Variants in NTM observed in about 807,000 individuals in gnomAD.
NTM encodes the protein IgLON family member 2.
Under a neutral mutation model 42.1 loss-of-function variants are expected in NTM, and 13 were observed. The ratio of observed to expected loss-of-function variants is 0.31; its 90% CI spans 0.20 to 0.49. The LOEUF is 0.49. Among genes scored for constraint, NTM ranks in the 20% least tolerant of loss-of-function variants. The pLI is 0.99. For missense variants in NTM, 373 were observed against 452.8 expected (o/e 0.82, Z 1.60); for synonymous variants, 187 against 179.2 (o/e 1.04, Z -0.35).
In NTM at chr11:132,181,156, C is replaced by T. The variant is rs1323583648; in HGVS notation, c.401-30866C>T. ...TTACTGATGATACTTTCTTTACCAA[C>T]TTTTCATGAAACTACTCCCTCTTGA... On this transcript the variant is annotated intron_variant, in intron 3 of 8. Coordinates refer to ENST00000683400, the MANE Select transcript of NTM (RefSeq NM_001352005.2). Among the ~76,000 whole-genome samples the T allele has an allele frequency of 2.6e-5, 4 of 152,176 alleles. No homozygotes were observed. In the South Asian group the frequency reaches 8.3e-4, roughly 32 times the overall value.
At chr11:131,806,178 T>C (rs1591987609) in intron 1 of NTM, among the ~76,000 whole-genome samples, 1 of 152,208 alleles carries the variant, frequency 6.6e-6, no homozygotes, top group Admixed American at 6.5e-5. Flanking sequence ...ATGCAGTAAT[T>C]GAGTTTTTCT....
intron 1 of NTM, among the ~76,000 whole-genome samples, chr11:131,774,363 T>A (rs12283354): frequency 0.25 from 37,419 of 152,118 alleles, 5,370 homozygotes; most frequent in East Asian, 0.39. Flanking sequence ...ACAGTAATCC[T>A]TGACTTTTCA....
chr11:131,888,288 G>A (rs2050710390), intron 1 of NTM, among the ~76,000 whole-genome samples: 1 of 152,090 alleles, frequency 6.6e-6, no homozygotes, highest in Non-Finnish European at 1.5e-5. Flanking sequence ...GCGACAGAGT[G>A]AGACTCGATC....
At chr11:131,969,870 G>A (rs1471739920) in intron 2 of NTM, among the ~76,000 whole-genome samples, 1 of 152,164 alleles carries the variant, frequency 6.6e-6, no homozygotes, top group Admixed American at 6.5e-5. Context: ...AGGCTGGAGT[G>A]CAGTGGCACC....
intron 7 of NTM, among the ~76,000 whole-genome samples, chr11:132,321,246 T>A (rs771838827): frequency 5.9e-5 from 9 of 152,098 alleles, no homozygotes; most frequent in African/African-American, 1.7e-4. Flanking sequence ...GGAGGACATT[T>A]CAAACCAAAG....
At chr11:131,952,093 A>T (rs1404447875) in intron 2 of NTM, among the ~76,000 whole-genome samples, 1 of 151,964 alleles carries the variant, frequency 6.6e-6, no homozygotes, top group Non-Finnish European at 1.5e-5. Context: ...CCTCCTCCTG[A>T]AATACTTCCT....
chr11:131,893,806 G>A (rs1451936797), intron 1 of NTM, among the ~76,000 whole-genome samples: 1 of 152,076 alleles, frequency 6.6e-6, no homozygotes, highest in African/African-American at 2.4e-5. Flanking sequence ...CATCATGCTC[G>A]GCATGTGAGA....
intron 1 of NTM, chr11:131,538,943 A>ATTTTTTTTT (rs1189734867): frequency 9.7e-5 from 7 of 72,372 alleles, no homozygotes; most frequent in Non-Finnish European, 1.1e-4. Context: ...TTTTTTTTTA[A>ATTTTTTTTT]TTTTTTTGAG....
chr11:131,774,403 G>GA (rs2086634187), intron 1 of NTM, among the ~76,000 whole-genome samples: 1 of 152,154 alleles, frequency 6.6e-6, no homozygotes, highest in African/African-American at 2.4e-5. Flanking sequence ...TAGGGAGCTG[G>GA]AAAAATCACT....
intron 4 of NTM, among the ~76,000 whole-genome samples, chr11:132,273,303 A>T (rs1350321592): frequency 1.1e-5 from 1 of 93,214 alleles, no homozygotes; most frequent in Non-Finnish European, 2.2e-5. Context: ...GGTTTTGTTG[A>T]CTAGTGTTTT....
rs7123996 is a variant in NTM, at chr11:132,001,436, A to G, written c.167+89788A>G. Among the ~76,000 whole-genome samples the G allele has an allele frequency of 4.6e-3, 702 of 152,358 alleles. 9 individuals are homozygous for G. Among genetic ancestry groups the G allele is most frequent in the African/African-American group, 0.016 (659 of 41,584 alleles). Reference sequence around the variant, plus strand: ...ATAATGTATAAAGAAAAGAGGTTTAATTGGCTCCTGTTTCTTCAGGCTGTA... The same window carrying G: ...ATAATGTATAAAGAAAAGAGGTTTAGTTGGCTCCTGTTTCTTCAGGCTGTA... On this transcript the variant is annotated intron_variant, in intron 2 of 8. Transcript: ENST00000683400.
intron 1 of NTM, among the ~76,000 whole-genome samples, chr11:131,728,863 C>T (rs913692339): frequency 2.0e-5 from 3 of 152,126 alleles, no homozygotes; most frequent in African/African-American, 7.2e-5. Flanking sequence ...GACTTCCAAC[C>T]ACCAGTCAAC....
chr11:131,595,337 G>T (rs2059724640), intron 1 of NTM, among the ~76,000 whole-genome samples: 1 of 152,192 alleles, frequency 6.6e-6, no homozygotes, highest in African/African-American at 2.4e-5. Flanking sequence ...AATAAAGACT[G>T]TACATTCAAG....
intron 4 of NTM, among the ~76,000 whole-genome samples, chr11:132,230,504 T>G (rs2087294630): frequency 6.6e-6 from 1 of 152,160 alleles, no homozygotes; most frequent in Non-Finnish European, 1.5e-5. Flanking sequence ...GAACTGGGTT[T>G]CAGGACCTGG....
At chr11:131,997,622 T>C (rs1319804013) in intron 2 of NTM, among the ~76,000 whole-genome samples, 3 of 152,234 alleles carry the variant, frequency 2.0e-5, no homozygotes, top group African/African-American at 7.2e-5. Context: ...CTTGTAATGA[T>C]CTGAACTGTG....
chr11:131,763,058 A>G (rs542768285), intron 1 of NTM, among the ~76,000 whole-genome samples: 14 of 152,300 alleles, frequency 9.2e-5, no homozygotes, highest in African/African-American at 3.4e-4. Flanking sequence ...TCACTTTGGC[A>G]TCCCAATCTG....
intron 1 of NTM, among the ~76,000 whole-genome samples, chr11:131,560,045 G>A (rs1169447401): frequency 6.6e-6 from 1 of 152,174 alleles, no homozygotes; most frequent in Non-Finnish European, 1.5e-5. Context: ...TTTAAAACAG[G>A]AAACAGCAAG....
At chr11:131,404,084 C>T (rs1945544526) in intron 1 of NTM, among the ~76,000 whole-genome samples, 2 of 152,174 alleles carry the variant, frequency 1.3e-5, no homozygotes, top group East Asian at 1.9e-4. Flanking sequence ...TCTCTCTTGA[C>T]CTCCCTTCTT....
chr11:132,023,482 G>A (rs934835695), intron 2 of NTM, among the ~76,000 whole-genome samples: 1 of 152,132 alleles, frequency 6.6e-6, no homozygotes, highest in African/African-American at 2.4e-5. Context: ...GTTGACCCTG[G>A]CTGCAGGGCT....
Sources: gnomAD v4.1 joint callset for allele counts (sites outside exome capture counted in the v4.1 genomes callset) on GRCh38, gnomAD v4.1.1 for gene constraint, MANE v1.5 for transcripts, NCBI Gene and HGNC (gene_info 2026-07-23, HGNC 2026-07-21) for gene names.